The following ADGRL3 variants were observed in gnomAD, a reference collection of about 807,000 sequenced individuals.
The protein encoded by ADGRL3 is adhesion G protein-coupled receptor L3.
Under a neutral mutation model 153.5 loss-of-function variants are expected in ADGRL3, and 62 were observed. The observed-to-expected ratio is 0.40, with a 90% CI of 0.33 to 0.50. The LOEUF is 0.50. ADGRL3 is among the 20% of genes least tolerant of loss of function. The pLI is 0.47. For synonymous variants in ADGRL3, 710 were observed against 672.5 expected (o/e 1.06, Z -0.86); for missense variants, 1,641 against 1,859.4 (o/e 0.88, Z 2.16).
At chr4:61,620,318 T>C (rs1001282717) in intron 5 of ADGRL3, among the ~76,000 whole-genome samples, 7 of 152,052 alleles carry the variant, frequency 4.6e-5, no homozygotes, top group African/African-American at 1.7e-4. Context: ...GGAAGGTAGA[T>C]GGATGAGTGG....
intron 4 of ADGRL3, among the ~76,000 whole-genome samples, chr4:61,539,412 C>T (rs762664798): frequency 2.6e-5 from 4 of 152,204 alleles, no homozygotes; most frequent in Non-Finnish European, 5.9e-5. Flanking sequence ...GCAGGCTGCA[C>T]TCCCTCATCC....
At chr4:61,827,674 A>G (rs1014326577) in intron 9 of ADGRL3, among the ~76,000 whole-genome samples, 6 of 152,192 alleles carry the variant, frequency 3.9e-5, no homozygotes, top group Non-Finnish European at 5.9e-5. Flanking sequence ...GGATTCAGAC[A>G]CTGCAGTTAA....
chr4:61,488,595 T>G (rs2152768306), intron 2 of ADGRL3, among the ~76,000 whole-genome samples: 1 of 152,116 alleles, frequency 6.6e-6, no homozygotes, highest in African/African-American at 2.4e-5. Context: ...ACTCCCAATT[T>G]GATTCAACTT....
Position 61,500,029 on chromosome 4 carries a change from C to CAGAGAGAGAGAGAGAGAGAG in ADGRL3, c.55+2697_55+2716dup, listed in dbSNP as rs10673228. ...ACACACACACATACACACACAGAAA[C>CAGAGAGAGAGAGAGAGAGAG]AGAGAGAGAGAGAGAGAGAGAGAGA... On this transcript the variant is annotated intron_variant, in intron 3 of 26. Transcript: ENST00000683033. Among the ~76,000 whole-genome samples, 447 of 140,530 alleles carry CAGAGAGAGAGAGAGAGAGAG rather than the reference C, an allele frequency of 3.2e-3. 3 individuals carry two copies. The highest frequency in any genetic ancestry group is 7.6e-3 in the Middle Eastern group (2 of 262). 92.2% of individuals were successfully genotyped at this position (140,530 alleles called of 152,430 possible).
chr4:61,772,440 T>A (rs2097097353), intron 8 of ADGRL3, among the ~76,000 whole-genome samples: 1 of 152,214 alleles, frequency 6.6e-6, no homozygotes, highest in Non-Finnish European at 1.5e-5. Context: ...GCTGGGACTC[T>A]GTAACCAAAG....
At chr4:61,600,846 G>A (rs950670691) in intron 5 of ADGRL3, among the ~76,000 whole-genome samples, 1 of 151,976 alleles carries the variant, frequency 6.6e-6, no homozygotes, top group Non-Finnish European at 1.5e-5. Flanking sequence ...AAAAAAACAT[G>A]GTATATTTAC....
chr4:62,027,858 A>T (rs1270047480), intron 21 of ADGRL3, among the ~76,000 whole-genome samples: 2 of 151,964 alleles, frequency 1.3e-5, no homozygotes, highest in African/African-American at 4.8e-5. Flanking sequence ...ACCACAGGTT[A>T]ATTAATTTTT....
intron 17 of ADGRL3, among the ~76,000 whole-genome samples, chr4:61,958,921 G>A (rs775867520): frequency 5.9e-5 from 9 of 152,068 alleles, no homozygotes; most frequent in Non-Finnish European, 1.3e-4. Context: ...CCCCAAGGTG[G>A]CAACACAGCT....
intron 2 of ADGRL3, among the ~76,000 whole-genome samples, chr4:61,456,434 T>TAG (rs1553934126): frequency 3.2e-5 from 4 of 123,784 alleles, no homozygotes; most frequent in Admixed American, 2.6e-4. Context: ...TATATCTATA[T>TAG]ATATAGATAT....
In ADGRL3 at chr4:61,325,289, C is replaced by T. The variant is rs535114028; in HGVS notation, c.-239-57835C>T. ...ATCACTCCACTGTCCTCCAGCCTGG[C>T]GACAGTGAGAGACTCAATTTCAAAA... On this transcript the variant is annotated intron_variant, in intron 1 of 26. Transcript: ENST00000683033. 3.0e-4 allele frequency among the ~76,000 whole-genome samples: 45 copies of T among 151,790 alleles called. 1 individual carries two copies. Among genetic ancestry groups the T allele is most frequent in the African/African-American group, 9.4e-4 (39 of 41,368 alleles).
chr4:61,794,354 A>G (rs914955365), intron 8 of ADGRL3, among the ~76,000 whole-genome samples: 4 of 152,076 alleles, frequency 2.6e-5, no homozygotes, highest in Non-Finnish European at 5.9e-5. Context: ...TGTCTTTAGT[A>G]TTTTTTTCAC....
Position 61,822,137 on chromosome 4 carries a change from A to G in ADGRL3, c.1480+8248A>G, listed in dbSNP as rs115362034. ...CCTAGTTTTACCTACTCTTCTCCCA[A>G]TAGAATACAAACGAAACTTGCATAT... On this transcript the variant is annotated intron_variant, in intron 9 of 26. Coordinates refer to ENST00000683033, the MANE Select transcript of ADGRL3 (RefSeq NM_001387552.1). Among the ~76,000 whole-genome samples, 1,483 of 152,328 alleles carry G rather than the reference A, an allele frequency of 9.7e-3. 12 individuals carry two copies. Among genetic ancestry groups the G allele is most frequent in the Non-Finnish European group, 0.015 (1,026 of 68,034 alleles).
At chr4:61,628,470 A>G (rs2092963698) in intron 5 of ADGRL3, among the ~76,000 whole-genome samples, 1 of 148,844 alleles carries the variant, frequency 6.7e-6, no homozygotes, top group South Asian at 2.2e-4. Context: ...AATAATGAGT[A>G]TTTATAATGT....
In ADGRL3 at chr4:61,291,214, A is replaced by G. The variant is rs200051454; in HGVS notation, c.-240+89449A>G. 7.8e-3 allele frequency among the ~76,000 whole-genome samples: 1,035 copies of G among 132,982 alleles called. 6 individuals are homozygous for G. Among genetic ancestry groups the G allele is most frequent in the South Asian group, 0.017 (68 of 4,000 alleles). The allele number at this position is 132,982 out of a possible 152,430, so 87.2% of individuals were successfully genotyped here. On this transcript the variant is annotated intron_variant, in intron 1 of 26. Coordinates refer to ENST00000683033, the MANE Select transcript of ADGRL3 (RefSeq NM_001387552.1). ...CACACACACACACACACACACACAC[A>G]CACGCACACACACACACCCCTCTGT...
rs1247696300 is a variant in ADGRL3 at position 61,622,427 on chromosome 4, C to T, written c.473+34987C>T. 3.9e-5 allele frequency among the ~76,000 whole-genome samples: 6 copies of T among 152,086 alleles called. No homozygotes were observed. In the East Asian group the frequency reaches 1.2e-3, roughly 29 times the overall value. On this transcript the variant is annotated intron_variant, in intron 5 of 26. Transcript: ENST00000683033. ...TTTTGGAAAAAATGTCTTAATTTAA[C>T]ATTCTCATCATTGCCTCCCATTTTT...
chr4:61,892,190 T>G (rs1304033157), intron 9 of ADGRL3, among the ~76,000 whole-genome samples: 3 of 151,908 alleles, frequency 2.0e-5, no homozygotes, highest in Non-Finnish European at 4.4e-5. Context: ...TCCTTTTTTT[T>G]TTTTTGTCCT....
chr4:61,859,602 T>C (rs1003919917), intron 9 of ADGRL3, among the ~76,000 whole-genome samples: 19 of 152,292 alleles, frequency 1.2e-4, no homozygotes, highest in Non-Finnish European at 2.8e-4. Context: ...TCCAAAAGCA[T>C]GACATAGAAA....
intron 4 of ADGRL3, among the ~76,000 whole-genome samples, chr4:61,573,968 A>G (rs887022526): frequency 5.9e-5 from 9 of 152,056 alleles, no homozygotes; most frequent in African/African-American, 2.2e-4. Context: ...TTAAGTGTAT[A>G]GACAATAAAA....
intron 4 of ADGRL3, among the ~76,000 whole-genome samples, chr4:61,534,297 C>G (rs996321466): frequency 6.6e-6 from 1 of 152,036 alleles, no homozygotes; most frequent in Non-Finnish European, 1.5e-5. Flanking sequence ...GTTCCACTGG[C>G]CTATGTATCT....
Sources: allele counts gnomAD v4.1 joint callset (sites outside exome capture counted in the v4.1 genomes callset), GRCh38; gene constraint gnomAD v4.1.1; transcripts MANE v1.5; gene names NCBI Gene and HGNC (gene_info 2026-07-23, HGNC 2026-07-21).